The following FAM110B variants were observed in gnomAD, a reference collection of about 807,000 sequenced individuals.
FAM110B encodes family with sequence similarity 110 member B.
Under a neutral mutation model 20.4 loss-of-function variants are expected in FAM110B, and 6 were observed. The observed-to-expected ratio is 0.29, with a 90% confidence interval of 0.16 to 0.58. The LOEUF (loss-of-function observed/expected upper bound fraction) is 0.58. Ranked by LOEUF, FAM110B falls within the 20% of genes least tolerant of loss-of-function variation. The pLI, the probability that FAM110B is intolerant of heterozygous loss-of-function variation, is 0.90. For synonymous variants in FAM110B, 226 were observed against 214.1 expected (o/e 1.06, Z -0.49); for missense variants, 434 against 498.2 (o/e 0.87, Z 1.23).
At chr8:58,134,093 C>G (rs968279551) in intron 3 of FAM110B, among the ~76,000 whole-genome samples, 5 of 152,090 alleles carry the variant, frequency 3.3e-5, no homozygotes, top group Non-Finnish European at 7.4e-5. Flanking sequence ...TTATTTATCC[C>G]ACAGTTCAGT....
At chr8:58,039,169 A>G (rs2150575863) in intron 2 of FAM110B, among the ~76,000 whole-genome samples, 1 of 152,320 alleles carries the variant, frequency 6.6e-6, no homozygotes, top group Non-Finnish European at 1.5e-5. Flanking sequence ...GCTGGCACTC[A>G]CAGGGCCCCT....
chr8:58,098,677 C>A (rs925731816), intron 3 of FAM110B, among the ~76,000 whole-genome samples: 24 of 152,158 alleles, frequency 1.6e-4, no homozygotes, highest in African/African-American at 5.8e-4. Context: ...GTGGCATAGG[C>A]ACCAGAAGGA....
At position 58,086,288 on chromosome 8, in the gene FAM110B, A is replaced by G. The variant is rs557384724; in HGVS notation, c.-325+10665A>G. Among the ~76,000 whole-genome samples, 5 of 152,350 alleles carry G rather than the reference A, an allele frequency of 3.3e-5. No individual in the cohort carries two copies. In the South Asian group the frequency reaches 1.0e-3, roughly 32 times the overall value. On this transcript the variant is annotated intron_variant, in intron 3 of 3. Coordinates refer to ENST00000519262, the MANE Select transcript of FAM110B (RefSeq NM_001377989.1). The stretch of plus-strand genomic sequence containing the variant: ...CTAAGTATAATAAAGAAAAAATTAT[A>G]TGAATATATGACTTTAAATCTACCA...
At chr8:58,037,336 A>T (rs1459198605) in intron 2 of FAM110B, among the ~76,000 whole-genome samples, 1 of 147,756 alleles carries the variant, frequency 6.8e-6, no homozygotes, top group African/African-American at 2.6e-5. Context: ...TGTTTTTTTA[A>T]TTAAAATGTC....
chr8:58,130,049 G>A (rs1263877849), intron 3 of FAM110B, among the ~76,000 whole-genome samples: 1 of 151,980 alleles, frequency 6.6e-6, no homozygotes. Flanking sequence ...TATTAGAAAG[G>A]AACTTGACAT....
chr8:58,060,755 T>C (rs1437821153), intron 2 of FAM110B, among the ~76,000 whole-genome samples: 1 of 152,178 alleles, frequency 6.6e-6, no homozygotes, highest in African/African-American at 2.4e-5. Context: ...ATCTTTCTTC[T>C]CTGTCCCCTT....
intron 2 of FAM110B, 50 bp from the exon 3 acceptor site, chr8:58,075,485 T>G (rs1806015676): frequency 6.6e-6 from 1 of 152,174 alleles, no homozygotes; most frequent in Non-Finnish European, 1.5e-5. Flanking sequence ...GCTTGCCTAT[T>G]TTTATCAAAT....
chr8:58,077,820 A>T (rs1456180653), intron 3 of FAM110B, among the ~76,000 whole-genome samples: 1 of 152,210 alleles, frequency 6.6e-6, no homozygotes, highest in Admixed American at 6.5e-5. Context: ...GTTAGAAAGA[A>T]CTTAGCCATG....
At chr8:58,009,543 A>G (rs1804485169) in intron 1 of FAM110B, among the ~76,000 whole-genome samples, 1 of 152,246 alleles carries the variant, frequency 6.6e-6, no homozygotes, top group Non-Finnish European at 1.5e-5. Flanking sequence ...TATTAATTAC[A>G]TGTTGAAAGG....
chr8:58,040,935 CTTTTTTT>C (rs60228265), intron 2 of FAM110B, among the ~76,000 whole-genome samples: 1 of 97,348 alleles, frequency 1.0e-5, no homozygotes, highest in Non-Finnish European at 2.0e-5. Flanking sequence ...ATGGGAAAAT[CTTTTTTT>C]TTTTTTTTTT....
chr8:58,037,874 T>C (rs966639760), intron 2 of FAM110B, among the ~76,000 whole-genome samples: 1 of 152,158 alleles, frequency 6.6e-6, no homozygotes, highest in Non-Finnish European at 1.5e-5. Flanking sequence ...CCTGACTATC[T>C]TGATTTTCGC....
intron 1 of FAM110B, among the ~76,000 whole-genome samples, chr8:58,024,233 T>TA: frequency 6.7e-6 from 1 of 149,826 alleles, no homozygotes. Context: ...TCGGTCCAAA[T>TA]AAAAATAAAT....
At chr8:57,996,365 TG>T (rs1300728143) in intron 1 of FAM110B, among the ~76,000 whole-genome samples, 8 of 152,362 alleles carry the variant, frequency 5.3e-5, no homozygotes, top group Non-Finnish European at 1.2e-4. Flanking sequence ...TGTTATTTTC[TG>T]TTTGGAAAAT....
chr8:58,023,171 AATTTTT>A (rs59889475), intron 1 of FAM110B, among the ~76,000 whole-genome samples: 27,863 of 151,714 alleles, frequency 0.18, 3,504 homozygotes, highest in African/African-American at 0.36. Flanking sequence ...ACTATTACAT[AATTTTT>A]ATTTTTATTT....
intron 1 of FAM110B, among the ~76,000 whole-genome samples, chr8:58,001,360 G>A (rs925247398): frequency 2.2e-5 from 3 of 139,452 alleles, no homozygotes; most frequent in Non-Finnish European, 4.6e-5. Flanking sequence ...ACTTGTCATG[G>A]AGCTAGTGTG....
At chr8:58,116,683 T>C (rs1807221915) in intron 3 of FAM110B, among the ~76,000 whole-genome samples, 1 of 152,236 alleles carries the variant, frequency 6.6e-6, no homozygotes, top group African/African-American at 2.4e-5. Context: ...TTTGAAGTTC[T>C]TGGGAGTCCT....
chr8:58,066,499 C>T (rs1805765319), intron 2 of FAM110B, among the ~76,000 whole-genome samples: 1 of 152,156 alleles, frequency 6.6e-6, no homozygotes, highest in Admixed American at 6.5e-5. Flanking sequence ...CTGTTCCAGG[C>T]CATCCAGGCC....
At chr8:58,077,698 G>A (rs563784515) in intron 3 of FAM110B, among the ~76,000 whole-genome samples, 1 of 152,270 alleles carries the variant, frequency 6.6e-6, no homozygotes, top group African/African-American at 2.4e-5. Flanking sequence ...AGAAGGGGTA[G>A]GTCCCTCCCC....
At chr8:58,095,296 G>T (rs574953607) in intron 3 of FAM110B, among the ~76,000 whole-genome samples, 2 of 151,804 alleles carry the variant, frequency 1.3e-5, no homozygotes, top group African/African-American at 2.4e-5. Context: ...AAATTAGTTC[G>T]CTCTTGCTTC....
Sources: allele counts gnomAD v4.1 joint callset (sites outside exome capture counted in the v4.1 genomes callset), GRCh38; gene constraint gnomAD v4.1.1; transcripts MANE v1.5; gene names NCBI Gene and HGNC (gene_info 2026-07-23, HGNC 2026-07-21).